The following ATRNL1 variants were observed in gnomAD, a reference collection of about 807,000 sequenced individuals.
ATRNL1 encodes the protein attractin-like protein 1.
In ATRNL1, 95 loss-of-function variants were observed where a neutral mutation model predicts 182.7. The observed-to-expected ratio is 0.52, with a 90% CI of 0.44 to 0.62. The LOEUF (loss-of-function observed/expected upper bound fraction) is 0.62. Ranked by LOEUF, ATRNL1 falls within the 20% of genes least tolerant of loss-of-function variation. The pLI is 0.00. For missense variants in ATRNL1, 1,471 were observed against 1,679.5 expected, an observed-to-expected ratio of 0.88 and a Z score of 2.17; for synonymous variants, 576 against 568.3, an observed-to-expected ratio of 1.01 and a Z score of -0.19.
At chr10:115,771,570 C>G (rs1315078091) in intron 27 of ATRNL1, among the ~76,000 whole-genome samples, 11 of 152,162 alleles carry the variant, frequency 7.2e-5, no homozygotes, top group African/African-American at 2.7e-4. Flanking sequence ...CTTGTTAGGT[C>G]AAAATCTCTC....
chr10:115,356,897 C>G (rs921417788), intron 19 of ATRNL1, among the ~76,000 whole-genome samples: 3 of 151,804 alleles, frequency 2.0e-5, no homozygotes, highest in African/African-American at 2.4e-5. Context: ...AACAAGTGGA[C>G]TAATATATCT....
At chr10:115,813,662 G>T (rs1017129853) in intron 27 of ATRNL1, among the ~76,000 whole-genome samples, 7 of 152,052 alleles carry the variant, frequency 4.6e-5, no homozygotes, top group African/African-American at 1.7e-4. Context: ...ACAACAAAGT[G>T]CATCACCATT....
chr10:115,788,957 A>G (rs1286322483), intron 27 of ATRNL1, among the ~76,000 whole-genome samples: 2 of 152,250 alleles, frequency 1.3e-5, no homozygotes, highest in Non-Finnish European at 2.9e-5. Context: ...ATAACGTATT[A>G]TGAAATCCAT....
At chr10:115,841,236 C>G (rs1461265248) in intron 27 of ATRNL1, among the ~76,000 whole-genome samples, 2 of 151,954 alleles carry the variant, frequency 1.3e-5, no homozygotes, top group Non-Finnish European at 2.9e-5. Flanking sequence ...GACCTAAACA[C>G]CTAGGGAAAA....
chr10:115,208,634 T>C (rs1302341665), intron 8 of ATRNL1, among the ~76,000 whole-genome samples: 3 of 152,066 alleles, frequency 2.0e-5, no homozygotes. Flanking sequence ...AGGCCATTTT[T>C]CTATTGTTGC....
intron 21 of ATRNL1, among the ~76,000 whole-genome samples, chr10:115,460,046 G>T (rs782479687): frequency 9.2e-5 from 14 of 152,106 alleles, no homozygotes; most frequent in Non-Finnish European, 1.8e-4. Flanking sequence ...GATGTCTATA[G>T]CACTAAATTC....
intron 24 of ATRNL1, among the ~76,000 whole-genome samples, chr10:115,517,037 G>A (rs1205821375): frequency 6.6e-6 from 1 of 151,924 alleles, no homozygotes; most frequent in Non-Finnish European, 1.5e-5. Flanking sequence ...TTACAATGGT[G>A]TAGAACAGAG....
chr10:115,216,250 G>A (rs1849227786), intron 9 of ATRNL1, among the ~76,000 whole-genome samples: 1 of 152,168 alleles, frequency 6.6e-6, no homozygotes, highest in Non-Finnish European at 1.5e-5. Context: ...ATATTTAAGA[G>A]TTGCTCTAGG....
At chr10:115,132,279 T>C (rs1200611706) in intron 5 of ATRNL1, among the ~76,000 whole-genome samples, 3 of 152,146 alleles carry the variant, frequency 2.0e-5, no homozygotes, top group Non-Finnish European at 2.9e-5. Flanking sequence ...TTTATGGCTG[T>C]ATAGTATTCC....
At chr10:115,812,431 T>G (rs1950067467) in intron 27 of ATRNL1, among the ~76,000 whole-genome samples, 1 of 152,164 alleles carries the variant, frequency 6.6e-6, no homozygotes, top group African/African-American at 2.4e-5. Context: ...TTCTAATACC[T>G]TCAAAGGGCC....
chr10:115,129,601 T>C (rs1845133816), intron 5 of ATRNL1, 66 bp downstream of exon 5: 1 of 1,355,934 alleles, frequency 7.4e-7, no homozygotes, highest in Non-Finnish European at 1.0e-6. Context: ...TAATACAAAT[T>C]CCACACGTTT....
chr10:115,111,591 A>G (rs1480219595), intron 1 of ATRNL1, among the ~76,000 whole-genome samples: 1 of 152,152 alleles, frequency 6.6e-6, no homozygotes, highest in African/African-American at 2.4e-5. Context: ...TCTCTCAGGA[A>G]CTAATAGAGT....
At chr10:115,941,102 A>G (rs1479636388) in intron 28 of ATRNL1, among the ~76,000 whole-genome samples, 3 of 152,218 alleles carry the variant, frequency 2.0e-5, no homozygotes, top group Non-Finnish European at 2.9e-5. Context: ...TGAGTGCACC[A>G]CGGCGAACAC....
At chr10:115,353,399 G>A (rs1012240721) in intron 19 of ATRNL1, among the ~76,000 whole-genome samples, 3 of 151,702 alleles carry the variant, frequency 2.0e-5, no homozygotes, top group African/African-American at 4.8e-5. Flanking sequence ...CTTGTTTTTT[G>A]TTTCCATTTG....
intron 21 of ATRNL1, 125 bp from the exon 22 acceptor site, chr10:115,461,816 T>C (rs1301518226): frequency 8.8e-6 from 4 of 453,748 alleles, no homozygotes; most frequent in Non-Finnish European, 1.5e-5. Context: ...TATACTTAAA[T>C]ATACCACTAG....
At chr10:115,673,287 CT>C (rs1182341160) in intron 26 of ATRNL1, among the ~76,000 whole-genome samples, 1 of 152,036 alleles carries the variant, frequency 6.6e-6, no homozygotes, top group African/African-American at 2.4e-5. Context: ...TTATTTTATT[CT>C]TTTTCATGGC....
chr10:115,164,795 A>G (rs1483651165), intron 6 of ATRNL1, among the ~76,000 whole-genome samples: 7 of 152,190 alleles, frequency 4.6e-5, no homozygotes. Context: ...GGTGGAGAGT[A>G]GAATGGTGGC....
intron 15 of ATRNL1, among the ~76,000 whole-genome samples, chr10:115,297,659 A>C (rs999230987): frequency 6.6e-6 from 1 of 151,670 alleles, no homozygotes; most frequent in African/African-American, 2.4e-5. Context: ...TTAAAAAAAA[A>C]AAAAAAAAAA....
At chr10:115,231,894 T>G (rs1362984553) in intron 9 of ATRNL1, among the ~76,000 whole-genome samples, 1 of 152,040 alleles carries the variant, frequency 6.6e-6, no homozygotes, top group Non-Finnish European at 1.5e-5. Context: ...AAGAGAAGTA[T>G]GAAATCATTT....
Sources: allele counts gnomAD v4.1 joint callset (sites outside exome capture counted in the v4.1 genomes callset), GRCh38; gene constraint gnomAD v4.1.1; transcripts MANE v1.5; gene names NCBI Gene and HGNC (gene_info 2026-07-23, HGNC 2026-07-21).